TENM2: variants seen among roughly 807,000 people sequenced by gnomAD.
TENM2 encodes the protein teneurin transmembrane protein 2.
A neutral mutation model predicts 245.2 loss-of-function variants in TENM2; 52 were observed. The observed-to-expected ratio is 0.21, with a 90% confidence interval of 0.17 to 0.27. The LOEUF is 0.27. Among genes scored for constraint, TENM2 ranks in the 10% least tolerant of loss-of-function variants. The probability of loss-of-function intolerance (pLI) is 1.00; values close to 1 mark genes in which losing one functional copy is unlikely to be tolerated. For synonymous variants in TENM2, 1,363 were observed against 1,438.9 expected, an observed-to-expected ratio of 0.95 and a Z score of 1.19; for missense variants, 3,046 against 3,666.8, an observed-to-expected ratio of 0.83 and a Z score of 4.37.
At chr5:167,816,746 G>C (rs1236741439) in intron 2 of TENM2, among the ~76,000 whole-genome samples, 1 of 152,108 alleles carries the variant, frequency 6.6e-6, no homozygotes, top group African/African-American at 2.4e-5. Flanking sequence ...GACAAAGAAA[G>C]ACCTGTGTTT....
At chr5:167,240,342 C>T in the TENM2 span, among the ~76,000 whole-genome samples, 1 of 151,430 alleles carries the variant, frequency 6.6e-6, no homozygotes, top group Admixed American at 6.6e-5. Context: ...TATTTGCCCA[C>T]CTGTTGTTGT....
At chr5:167,438,179 C>T (rs1764673248) in intron 2 of TENM2, among the ~76,000 whole-genome samples, 1 of 152,182 alleles carries the variant, frequency 6.6e-6, no homozygotes, top group South Asian at 2.1e-4. Context: ...ACCAGGAAGT[C>T]TATACTCCAT....
chr5:168,208,326 T>C (rs1762531302), intron 19 of TENM2, among the ~76,000 whole-genome samples: 1 of 152,266 alleles, frequency 6.6e-6, no homozygotes, highest in South Asian at 2.1e-4. Context: ...AACATGCTTT[T>C]TTCCAACTAA....
the TENM2 span, among the ~76,000 whole-genome samples, chr5:167,084,902 A>G: frequency 6.6e-6 from 1 of 152,174 alleles, no homozygotes; most frequent in Non-Finnish European, 1.5e-5. Context: ...CATTTTTGTT[A>G]AATAAGGCTG....
At chr5:167,520,485 G>C (rs2127581074) in intron 2 of TENM2, among the ~76,000 whole-genome samples, 1 of 152,082 alleles carries the variant, frequency 6.6e-6, no homozygotes, top group East Asian at 1.9e-4. Flanking sequence ...GGGAGGGTAA[G>C]GCTTTTGTAT....
the TENM2 span, among the ~76,000 whole-genome samples, chr5:167,195,474 G>A: frequency 6.6e-6 from 1 of 151,898 alleles, no homozygotes; most frequent in African/African-American, 2.4e-5. Flanking sequence ...GGGCCATATG[G>A]TCTCTATCAC....
chr5:167,603,205 C>G (rs1343248122), intron 2 of TENM2, among the ~76,000 whole-genome samples: 2 of 152,176 alleles, frequency 1.3e-5, no homozygotes, highest in African/African-American at 4.8e-5. Flanking sequence ...TAACAGGACA[C>G]TGGGTTTCCT....
chr5:167,158,735 C>T, the TENM2 span, among the ~76,000 whole-genome samples: 3 of 152,116 alleles, frequency 2.0e-5, no homozygotes, highest in South Asian at 6.2e-4. Context: ...GAGGTCTCCA[C>T]CATCATGATC....
chr5:167,367,969 C>A (rs1760164674), intron 1 of TENM2, among the ~76,000 whole-genome samples: 1 of 151,848 alleles, frequency 6.6e-6, no homozygotes, highest in African/African-American at 2.4e-5. Flanking sequence ...AATTGTACTC[C>A]ATATTCATTC....
intron 5 of TENM2, among the ~76,000 whole-genome samples, chr5:168,028,500 T>C (rs1431712312): frequency 6.6e-6 from 1 of 152,154 alleles, no homozygotes; most frequent in Admixed American, 6.5e-5. Flanking sequence ...TTAAACAAGG[T>C]GTAGTGGACA....
chr5:167,611,693 G>C (rs577355810), intron 2 of TENM2, among the ~76,000 whole-genome samples: 1 of 152,108 alleles, frequency 6.6e-6, no homozygotes, highest in East Asian at 1.9e-4. Flanking sequence ...CTGGAGGTTG[G>C]AAAGTCCAAA....
At chr5:167,926,735 C>T (rs1286698541) in intron 3 of TENM2, among the ~76,000 whole-genome samples, 1 of 145,182 alleles carries the variant, frequency 6.9e-6, no homozygotes, top group Non-Finnish European at 1.5e-5. Flanking sequence ...CACACACACA[C>T]ACACACACAC....
intron 2 of TENM2, among the ~76,000 whole-genome samples, chr5:167,581,766 C>T (rs918818887): frequency 2.0e-5 from 3 of 152,034 alleles, no homozygotes; most frequent in African/African-American, 7.2e-5. Flanking sequence ...TTATTAATTT[C>T]CCACAATCTG....
intron 1 of TENM2, among the ~76,000 whole-genome samples, chr5:167,318,006 T>A (rs773744580): frequency 6.6e-6 from 1 of 152,178 alleles, no homozygotes; most frequent in Non-Finnish European, 1.5e-5. Flanking sequence ...GAAGCAAAAG[T>A]AGCAGCTGTG....
chr5:167,015,163 C>A, the TENM2 span, among the ~76,000 whole-genome samples: 1 of 152,064 alleles, frequency 6.6e-6, no homozygotes, highest in Non-Finnish European at 1.5e-5. Flanking sequence ...ACTAATTTAT[C>A]TTATTGGTTT....
intron 20 of TENM2, among the ~76,000 whole-genome samples, chr5:168,214,120 G>T (rs1762994857): frequency 6.6e-6 from 1 of 152,170 alleles, no homozygotes. Context: ...ACAGTCAAAT[G>T]ACTTAACCAA....
intron 12 of TENM2, among the ~76,000 whole-genome samples, chr5:168,135,248 T>C (rs1754945668): frequency 6.6e-6 from 1 of 152,162 alleles, no homozygotes; most frequent in Admixed American, 6.5e-5. Context: ...TTCGTTGCAA[T>C]TTTTTGGTTC....
intron 2 of TENM2, among the ~76,000 whole-genome samples, chr5:167,786,855 A>G (rs927628204): frequency 6.6e-6 from 1 of 152,160 alleles, no homozygotes; most frequent in Non-Finnish European, 1.5e-5. Flanking sequence ...GAAGACACAC[A>G]CTGGGAATTA....
At chr5:167,767,179 A>C (rs1375610971) in intron 2 of TENM2, among the ~76,000 whole-genome samples, 3 of 152,236 alleles carry the variant, frequency 2.0e-5, no homozygotes, top group African/African-American at 7.2e-5. Context: ...AGAATACACA[A>C]ATGTGGCATA....
Sources: gnomAD v4.1 joint callset for allele counts (sites outside exome capture counted in the v4.1 genomes callset) on GRCh38, gnomAD v4.1.1 for gene constraint, MANE v1.5 for transcripts, NCBI Gene and HGNC (gene_info 2026-07-23, HGNC 2026-07-21) for gene names.